Variants in CDH18 observed in about 807,000 individuals in gnomAD.
CDH18 encodes cadherin-18.
Under a neutral mutation model 67.9 loss-of-function variants are expected in CDH18, and 31 were observed. That is an observed-to-expected ratio of 0.46 (90% CI 0.34 to 0.62). The LOEUF (loss-of-function observed/expected upper bound fraction) is 0.62. Ranked by LOEUF, CDH18 falls within the 20% of genes least tolerant of loss-of-function variation. The probability of loss-of-function intolerance (pLI) is 0.01; values close to 1 mark genes in which losing one functional copy is unlikely to be tolerated. For synonymous variants in CDH18, 362 were observed against 347.2 expected (o/e 1.04, Z -0.48); for missense variants, 890 against 975.5 (o/e 0.91, Z 1.17).
intron 2 of CDH18, among the ~76,000 whole-genome samples, chr5:20,010,129 T>C (rs1221385768): frequency 6.6e-6 from 1 of 151,514 alleles, no homozygotes; most frequent in Non-Finnish European, 1.5e-5. Context: ...TATATTATTC[T>C]CTCATTTACC....
chr5:20,299,757 C>CAAAAAAA (rs368044422), intron 1 of CDH18, among the ~76,000 whole-genome samples: 4 of 107,486 alleles, frequency 3.7e-5, no homozygotes, highest in South Asian at 3.4e-4. Flanking sequence ...GGCTCTGTCT[C>CAAAAAAA]AAAAAAAAAA....
chr5:20,266,267 T>C (rs1323366202), intron 1 of CDH18, among the ~76,000 whole-genome samples: 1 of 129,920 alleles, frequency 7.7e-6, no homozygotes, highest in Non-Finnish European at 1.7e-5. Context: ...ACCCTGACAC[T>C]AGAGAATGCT....
At chr5:19,719,783 T>C (rs1284771542) in intron 5 of CDH18, among the ~76,000 whole-genome samples, 1 of 151,882 alleles carries the variant, frequency 6.6e-6, no homozygotes, top group Non-Finnish European at 1.5e-5. Flanking sequence ...TTTATATATA[T>C]TCATGTGTAT....
intron 3 of CDH18, among the ~76,000 whole-genome samples, chr5:19,758,315 CAA>C (rs1771896546): frequency 6.6e-6 from 1 of 152,090 alleles, no homozygotes; most frequent in Non-Finnish European, 1.5e-5. Flanking sequence ...AGTAACAGGC[CAA>C]GAGCTGCCTC....
intron 1 of CDH18, among the ~76,000 whole-genome samples, chr5:20,392,556 A>T (rs1178930058): frequency 6.6e-6 from 1 of 151,872 alleles, no homozygotes; most frequent in South Asian, 2.1e-4. Context: ...AGTGAATATT[A>T]TTTTCCCCTT....
intron 10 of CDH18, 114 bp from the exon 11 acceptor site, chr5:19,503,223 T>C (rs950159978): frequency 3.3e-5 from 20 of 601,560 alleles, no homozygotes; most frequent in African/African-American, 3.2e-4. Flanking sequence ...TTCTTCCAAC[T>C]TGAGTTATTT....
At chr5:20,305,448 T>C (rs1232071763) in intron 1 of CDH18, 1 of 1,509,788 alleles carries the variant, frequency 6.6e-7, no homozygotes, top group Non-Finnish European at 9.2e-7. Flanking sequence ...CTTTTGGCCA[T>C]GTTTTCGAAC....
chr5:20,504,570 T>C (rs1754538235), intron 1 of CDH18, among the ~76,000 whole-genome samples: 1 of 152,132 alleles, frequency 6.6e-6, no homozygotes, highest in Non-Finnish European at 1.5e-5. Context: ...ACTTAGTACA[T>C]ATAGAATCAT....
rs552506779 is a variant in CDH18 at position 20,067,295 on chromosome 5, G to A, written c.-517-75281C>T. 4.0e-5 allele frequency among the ~76,000 whole-genome samples: 6 copies of A among 151,264 alleles called. No homozygotes were observed. The South Asian group carries it at 1.3e-3, about 32-fold the overall frequency. On this transcript the variant is annotated intron_variant, in intron 2 of 14. Transcript: ENST00000507958. ...TTTTAGTTCATTAAAGAAAAAAGAA[G>A]CAATGCTATATCTAACTAAATATCT...
chr5:20,461,917 T>C (rs1477553806), intron 1 of CDH18, among the ~76,000 whole-genome samples: 2 of 152,120 alleles, frequency 1.3e-5, no homozygotes, highest in African/African-American at 2.4e-5. Flanking sequence ...GCACTATTGG[T>C]GTGAATGTAA....
chr5:20,226,321 C>T (rs1210716005), intron 2 of CDH18, among the ~76,000 whole-genome samples: 1 of 151,902 alleles, frequency 6.6e-6, no homozygotes, highest in African/African-American at 2.4e-5. Context: ...CATGAAAGAG[C>T]CAAATTATAT....
At chr5:20,385,343 G>T (rs1744229665) in intron 1 of CDH18, among the ~76,000 whole-genome samples, 1 of 152,028 alleles carries the variant, frequency 6.6e-6, no homozygotes, top group Non-Finnish European at 1.5e-5. Context: ...GAATGTCCTT[G>T]GTGGCTCTGA....
At chr5:19,529,260 T>C (rs1580022805) in intron 9 of CDH18, among the ~76,000 whole-genome samples, 1 of 151,896 alleles carries the variant, frequency 6.6e-6, no homozygotes, top group Admixed American at 6.6e-5. Flanking sequence ...AATACACACA[T>C]AATAAAAGTT....
intron 2 of CDH18, among the ~76,000 whole-genome samples, chr5:19,881,697 G>A (rs1256980775): frequency 6.6e-6 from 1 of 151,756 alleles, no homozygotes; most frequent in Non-Finnish European, 1.5e-5. Flanking sequence ...GTAGAAACAG[G>A]GTTTCACCAT....
intron 2 of CDH18, among the ~76,000 whole-genome samples, chr5:20,083,165 G>C (rs1206789903): frequency 6.6e-6 from 1 of 152,142 alleles, no homozygotes; most frequent in Admixed American, 6.5e-5. Context: ...AGTGATAAAT[G>C]GGCACTTAGA....
intron 1 of CDH18, among the ~76,000 whole-genome samples, chr5:20,330,819 T>C (rs1381482605): frequency 6.6e-6 from 1 of 152,212 alleles, no homozygotes; most frequent in East Asian, 1.9e-4. Flanking sequence ...AGTCACCAGC[T>C]TGGCCGTCTG....
At chr5:20,438,696 T>C (rs1328553982) in intron 1 of CDH18, among the ~76,000 whole-genome samples, 3 of 151,434 alleles carry the variant, frequency 2.0e-5, no homozygotes, top group Non-Finnish European at 4.4e-5. Context: ...ATTATCCTGA[T>C]ACTGATGAAA....
chr5:19,905,020 T>A (rs1790386422), intron 2 of CDH18, among the ~76,000 whole-genome samples: 1 of 152,104 alleles, frequency 6.6e-6, no homozygotes, highest in Non-Finnish European at 1.5e-5. Context: ...GAGATGTTTC[T>A]CCATACTGAT....
chr5:20,441,353 C>T (rs7706144), intron 1 of CDH18, among the ~76,000 whole-genome samples: 14 of 151,416 alleles, frequency 9.2e-5, no homozygotes, highest in East Asian at 3.9e-4. Context: ...ACGGGAGGGT[C>T]GCTATAATTG....
Sources: gnomAD v4.1 joint callset for allele counts (sites outside exome capture counted in the v4.1 genomes callset) on GRCh38, gnomAD v4.1.1 for gene constraint, MANE v1.5 for transcripts, NCBI Gene and HGNC (gene_info 2026-07-23, HGNC 2026-07-21) for gene names.